The following ARHGEF38 variants were observed in gnomAD, a reference collection of about 807,000 sequenced individuals.
The protein encoded by ARHGEF38 is Rho guanine nucleotide exchange factor 38, also known as Rho guanine nucleotide exchange factor (GEF) 38.
Under a neutral mutation model 79.9 loss-of-function variants are expected in ARHGEF38, and 79 were observed. That is an observed-to-expected ratio of 0.99 (90% CI 0.82 to 1.19). The LOEUF (loss-of-function observed/expected upper bound fraction) is 1.19, where lower values mean the gene tolerates loss of function less well. ARHGEF38 is among the 50% of genes most tolerant of loss of function. The probability of loss-of-function intolerance (pLI) is 0.00; values close to 1 mark genes in which losing one functional copy is unlikely to be tolerated. For synonymous variants in ARHGEF38, 366 were observed against 328.3 expected, an observed-to-expected ratio of 1.11 and a Z score of -1.24; for missense variants, 962 against 907.2, an observed-to-expected ratio of 1.06 and a Z score of -0.78.
intron 1 of ARHGEF38, among the ~76,000 whole-genome samples, chr4:105,587,531 G>A (rs779518368): frequency 1.3e-5 from 2 of 152,182 alleles, no homozygotes; most frequent in Middle Eastern, 3.4e-3. Context: ...CACGATCTCG[G>A]CTCACTGCAA....
intron 2 of ARHGEF38, among the ~76,000 whole-genome samples, chr4:105,592,926 G>T (rs998076775): frequency 6.6e-6 from 1 of 152,068 alleles, no homozygotes; most frequent in Non-Finnish European, 1.5e-5. Flanking sequence ...TAGTGCAGTG[G>T]ATTCTATCCC....
chr4:105,580,495 G>A (rs995206933), intron 1 of ARHGEF38, among the ~76,000 whole-genome samples: 2 of 152,120 alleles, frequency 1.3e-5, no homozygotes, highest in African/African-American at 4.8e-5. Flanking sequence ...TCATGAACAA[G>A]TTGTTTCATT....
At chr4:105,658,383 G>A (rs896653294) in intron 9 of ARHGEF38, among the ~76,000 whole-genome samples, 2 of 152,174 alleles carry the variant, frequency 1.3e-5, no homozygotes, top group African/African-American at 4.8e-5. Context: ...CTGGGCGACA[G>A]AGTGAGACCC....
At chr4:105,560,540 A>G (rs1212207674) in intron 1 of ARHGEF38, among the ~76,000 whole-genome samples, 1 of 152,212 alleles carries the variant, frequency 6.6e-6, no homozygotes, top group African/African-American at 2.4e-5. Context: ...GTAGAATTGT[A>G]TGAAGTCAGC....
intron 2 of ARHGEF38, among the ~76,000 whole-genome samples, chr4:105,610,898 C>A (rs567727729): frequency 3.3e-5 from 5 of 152,026 alleles, no homozygotes; most frequent in African/African-American, 7.2e-5. Flanking sequence ...GTAGGAGTGA[C>A]AAATTGGTGA....
At chr4:105,556,162 G>A (rs1037395404) in intron 1 of ARHGEF38, among the ~76,000 whole-genome samples, 3 of 152,138 alleles carry the variant, frequency 2.0e-5, no homozygotes, top group Non-Finnish European at 4.4e-5. Flanking sequence ...CAAGGCCCTT[G>A]ATACATTGGA....
At position 105,552,942 on chromosome 4, in the gene ARHGEF38, A is replaced by G. The variant is rs28672383; in HGVS notation, c.177A>G (p.Glu59=). 428 of 1,609,268 alleles carry G rather than the reference A, an allele frequency of 2.7e-4. 3 individuals carry two copies. In the African/African-American group the frequency reaches 5.2e-3, roughly 20 times the overall value. ...GGAGGAGCCAATCTGACAGGACCGAATACAACCAGAAATTACAAGGTAACC... is the reference window on the plus strand; with the variant it reads ...GGAGGAGCCAATCTGACAGGACCGAGTACAACCAGAAATTACAAGGTAACC... ...TLRRSQSDRT[E]YNQKLQEKMT... Residue 59 remains glutamate (E), a synonymous_variant, in exon 1 of 14, where the codon GAA becomes GAG. Coordinates refer to ENST00000420470, the MANE Select transcript of ARHGEF38 (RefSeq NM_001242729.2).
intron 2 of ARHGEF38, among the ~76,000 whole-genome samples, chr4:105,590,126 G>GGAAA (rs1165625537): frequency 1.5e-4 from 16 of 110,140 alleles, no homozygotes; most frequent in Non-Finnish European, 2.6e-4. Flanking sequence ...AAGGAAGGAA[G>GGAAA]GAAAGAAAGA....
intron 6 of ARHGEF38, among the ~76,000 whole-genome samples, chr4:105,647,891 T>G (rs1030729793): frequency 2.0e-5 from 3 of 146,792 alleles, no homozygotes; most frequent in Non-Finnish European, 4.5e-5. Flanking sequence ...CTTTTCTATT[T>G]TTTTTTTTTT....
intron 1 of ARHGEF38, among the ~76,000 whole-genome samples, chr4:105,586,029 C>G (rs914276335): frequency 2.6e-5 from 4 of 152,058 alleles, no homozygotes; most frequent in African/African-American, 7.2e-5. Flanking sequence ...CTGCGCCAGG[C>G]CCCCTCGGTT....
chr4:105,561,499 A>AGAATAGAATAGAATAGAATG (rs1560684793), intron 1 of ARHGEF38: 1 of 94,038 alleles, frequency 1.1e-5, no homozygotes. Context: ...AGAATAGAAT[A>AGAATAGAATAGAATAGAATG]GAATAGAATA....
chr4:105,561,509 A>AGAATGGAATGGAATG (rs1725614159), intron 1 of ARHGEF38: 2 of 123,336 alleles, frequency 1.6e-5, no homozygotes, highest in Non-Finnish European at 1.8e-5. Flanking sequence ...AGAATAGAAT[A>AGAATGGAATGGAATG]GAATAGAATA....
chr4:105,618,995 T>C (rs962411801), intron 3 of ARHGEF38, among the ~76,000 whole-genome samples: 1 of 152,172 alleles, frequency 6.6e-6, no homozygotes, highest in Admixed American at 6.5e-5. Context: ...TAGTTCAAAA[T>C]GAAAAATTGA....
At chr4:105,634,013 A>G (rs567929804) in intron 4 of ARHGEF38, among the ~76,000 whole-genome samples, 15 of 152,202 alleles carry the variant, frequency 9.9e-5, no homozygotes, top group Non-Finnish European at 2.2e-4. Flanking sequence ...GAATCCTTTC[A>G]TAACGTGAGG....
intron 10 of ARHGEF38, among the ~76,000 whole-genome samples, chr4:105,662,909 A>C (rs148023343): frequency 1.3e-5 from 2 of 152,196 alleles, no homozygotes; most frequent in Non-Finnish European, 2.9e-5. Flanking sequence ...GTCCATAGCC[A>C]AACAAGAGCA....
chr4:105,634,829 A>C (rs1215666204), intron 4 of ARHGEF38, among the ~76,000 whole-genome samples: 2 of 152,096 alleles, frequency 1.3e-5, no homozygotes, highest in East Asian at 1.9e-4. Flanking sequence ...CAGGAGGAAA[A>C]CTTCTAACTT....
At chr4:105,649,886 A>C (rs1021674857) in intron 7 of ARHGEF38, among the ~76,000 whole-genome samples, 1 of 152,214 alleles carries the variant, frequency 6.6e-6, no homozygotes, top group Non-Finnish European at 1.5e-5. Context: ...AAGTTATCCA[A>C]ACCTGGGTTT....
chr4:105,573,747 T>A (rs1405501784), intron 1 of ARHGEF38, among the ~76,000 whole-genome samples: 5 of 151,348 alleles, frequency 3.3e-5, no homozygotes, highest in Admixed American at 6.6e-5. Context: ...GGTTTTTTTT[T>A]TTATTTCTAC....
rs371602710 is a variant in ARHGEF38, at chr4:105,630,913, A to G, written c.524A>G (p.Gln175Arg). 1 of 1,609,704 alleles carries G rather than the reference A, an allele frequency of 6.2e-7. No individual in the cohort carries two copies. The highest frequency in any genetic ancestry group is 8.5e-7 in the Non-Finnish European group (1 of 1,178,796). Residue 175 changes from glutamine to arginine, a missense_variant, in exon 4 of 14, where the codon CAG (glutamine) becomes CGG (arginine). Gln to Arg is a conservative substitution (Grantham distance 43, BLOSUM62 1). Transcript: ENST00000420470. ...AMQVIGEVFL[Q>R]IKGPLEDIYK... ...CATTTATCAGGAGAAGTATTCTTGC[A>G]GATTAAAGGGCCACTGGAAGATATT...
Sources: gnomAD v4.1 joint callset for allele counts (sites outside exome capture counted in the v4.1 genomes callset) on GRCh38, gnomAD v4.1.1 for gene constraint, MANE v1.5 for transcripts, NCBI Gene and HGNC (gene_info 2026-07-23, HGNC 2026-07-21) for gene names.